Variants in BLTP3A observed in about 807,000 individuals in gnomAD.
BLTP3A encodes the protein ICBP90 binding protein 1.
chr6:34,844,928 C>G, the BLTP3A span, among the ~76,000 whole-genome samples: 1 of 152,178 alleles, frequency 6.6e-6, no homozygotes, highest in Non-Finnish European at 1.5e-5. Flanking sequence ...AATCTTTGCC[C>G]AGACCAATGT....
At chr6:34,809,540 A>C in the BLTP3A span, among the ~76,000 whole-genome samples, 2 of 152,120 alleles carry the variant, frequency 1.3e-5, no homozygotes, top group Admixed American at 1.3e-4. Flanking sequence ...TTGACTCCCC[A>C]AAAACGTTTT....
chr6:34,834,536 T>C, the BLTP3A span: 2 of 1,393,044 alleles, frequency 1.4e-6, no homozygotes, highest in African/African-American at 2.9e-5. Flanking sequence ...CAGAGGCCTT[T>C]CTGTCCAGTG....
chr6:34,866,315 A>AT, the BLTP3A span, among the ~76,000 whole-genome samples: 15 of 151,836 alleles, frequency 9.9e-5, 1 homozygote, highest in South Asian at 3.1e-3. Flanking sequence ...GAGGTGGGAG[A>AT]TTGCTTGAAC....
the BLTP3A span, among the ~76,000 whole-genome samples, chr6:34,845,441 C>T: frequency 2.0e-5 from 3 of 152,048 alleles, no homozygotes; most frequent in African/African-American, 7.2e-5. Flanking sequence ...TGTTTTGAGA[C>T]AGGGTCTTGC....
the BLTP3A span, among the ~76,000 whole-genome samples, chr6:34,839,201 G>A: frequency 1.3e-5 from 2 of 152,108 alleles, no homozygotes; most frequent in Non-Finnish European, 2.9e-5. Flanking sequence ...AGTGAGCCGA[G>A]ATGGCGCCAT....
the BLTP3A span, among the ~76,000 whole-genome samples, chr6:34,809,357 C>T: frequency 1.3e-5 from 2 of 152,152 alleles, no homozygotes; most frequent in African/African-American, 2.4e-5. Context: ...TGCACCACTG[C>T]ACTCCAGCCT....
chr6:34,867,418 C>T, the BLTP3A span: 1 of 1,613,564 alleles, frequency 6.2e-7, no homozygotes, highest in East Asian at 2.2e-5. Flanking sequence ...AGGGTAGGCT[C>T]TGGGCTGAGA....
chr6:34,865,651 G>A, the BLTP3A span, among the ~76,000 whole-genome samples: 1 of 152,038 alleles, frequency 6.6e-6, no homozygotes, highest in African/African-American at 2.4e-5. Context: ...CCACCAACAG[G>A]GTGCTAGGGT....
chr6:34,822,529 G>A, the BLTP3A span, among the ~76,000 whole-genome samples: 2 of 152,154 alleles, frequency 1.3e-5, no homozygotes, highest in South Asian at 4.2e-4. Flanking sequence ...GTGAGCCACC[G>A]CGCCTGGCAC....
chr6:34,838,506 T>C, the BLTP3A span, among the ~76,000 whole-genome samples: 1 of 152,174 alleles, frequency 6.6e-6, no homozygotes, highest in African/African-American at 2.4e-5. Context: ...CAAAAAATGC[T>C]GGCAGAAGAC....
the BLTP3A span, among the ~76,000 whole-genome samples, chr6:34,837,114 A>G: frequency 6.6e-6 from 1 of 152,278 alleles, no homozygotes; most frequent in East Asian, 1.9e-4. Context: ...TGTTTCTTCA[A>G]AACTATCTTT....
the BLTP3A span, among the ~76,000 whole-genome samples, chr6:34,844,447 G>A: frequency 6.6e-6 from 1 of 152,048 alleles, no homozygotes; most frequent in Non-Finnish European, 1.5e-5. Context: ...ACTAATTTTT[G>A]TATTTTTAGT....
the BLTP3A span, among the ~76,000 whole-genome samples, chr6:34,829,961 C>T: frequency 2.0e-5 from 3 of 152,028 alleles, no homozygotes; most frequent in Admixed American, 6.6e-5. Flanking sequence ...CCTGCCATCA[C>T]GCCTCACTGA....
the BLTP3A span, among the ~76,000 whole-genome samples, chr6:34,844,418 G>C: frequency 6.6e-6 from 1 of 152,144 alleles, no homozygotes; most frequent in Non-Finnish European, 1.5e-5. Context: ...GGGATTACAG[G>C]CACTCGTGAC....
the BLTP3A span, among the ~76,000 whole-genome samples, chr6:34,833,956 G>T: frequency 6.8e-6 from 1 of 147,130 alleles, no homozygotes; most frequent in South Asian, 2.1e-4. Flanking sequence ...AATTACTGCA[G>T]CCAAGCACAG....
At chr6:34,823,126 A>G in the BLTP3A span, 2 of 708,178 alleles carry the variant, frequency 2.8e-6, no homozygotes, top group South Asian at 1.8e-5. Flanking sequence ...GTAAATATTT[A>G]TTGTCTGCCC....
At chr6:34,802,524 C>A in the BLTP3A span, among the ~76,000 whole-genome samples, 2 of 152,128 alleles carry the variant, frequency 1.3e-5, no homozygotes, top group African/African-American at 4.8e-5. Context: ...CACCCACCAC[C>A]ATGCTCAGCT....
the BLTP3A span, among the ~76,000 whole-genome samples, chr6:34,869,307 A>C: frequency 6.6e-6 from 1 of 151,874 alleles, no homozygotes; most frequent in African/African-American, 2.4e-5. Context: ...TGGCCCCACC[A>C]CCTAGTTTAA....
chr6:34,874,709 A>C, the BLTP3A span: 1 of 152,268 alleles, frequency 6.6e-6, no homozygotes, highest in Non-Finnish European at 1.5e-5. Flanking sequence ...GAGGGGGAGG[A>C]GAGATCAATG....
Sources: allele counts gnomAD v4.1 joint callset (sites outside exome capture counted in the v4.1 genomes callset), GRCh38; gene constraint gnomAD v4.1.1; transcripts MANE v1.5; gene names NCBI Gene and HGNC (gene_info 2026-07-23, HGNC 2026-07-21).